The following SMYD3 variants were observed in gnomAD, a reference collection of about 807,000 sequenced individuals.
SMYD3 encodes the protein SET and MYND domain containing 3.
Under a neutral mutation model 57.7 loss-of-function variants are expected in SMYD3, and 36 were observed. That is an observed-to-expected ratio of 0.62 (90% CI 0.48 to 0.82). SMYD3 has a LOEUF of 0.82. SMYD3 is among the 40% of genes least tolerant of loss of function. The pLI is 0.00. For missense variants in SMYD3, 515 were observed against 538.8 expected, an observed-to-expected ratio of 0.96 and a Z score of 0.44; for synonymous variants, 211 against 195.0, an observed-to-expected ratio of 1.08 and a Z score of -0.68.
At chr1:246,083,354 T>A (rs1396339075) in intron 5 of SMYD3, among the ~76,000 whole-genome samples, 2 of 152,126 alleles carry the variant, frequency 1.3e-5, no homozygotes, top group Non-Finnish European at 2.9e-5. Flanking sequence ...GCACAGCACT[T>A]TTTTCTCTAA....
chr1:246,060,006 G>A (rs2060222904), intron 5 of SMYD3, among the ~76,000 whole-genome samples: 1 of 152,136 alleles, frequency 6.6e-6, no homozygotes, highest in African/African-American at 2.4e-5. Context: ...AAGTTGGCGG[G>A]GCATAATGGC....
intron 5 of SMYD3, among the ~76,000 whole-genome samples, chr1:246,244,931 G>T (rs1275981151): frequency 6.6e-6 from 1 of 152,090 alleles, no homozygotes; most frequent in Non-Finnish European, 1.5e-5. Context: ...ATACCCCAGT[G>T]ATCTTCAAAA....
intron 5 of SMYD3, among the ~76,000 whole-genome samples, chr1:246,307,388 C>A (rs989939467): frequency 2.1e-4 from 32 of 151,182 alleles, no homozygotes; most frequent in Non-Finnish European, 4.3e-4. Flanking sequence ...ATTTGAAGAA[C>A]CCTGCTCTCA....
At chr1:246,296,684 A>T (rs2064801612) in intron 5 of SMYD3, among the ~76,000 whole-genome samples, 1 of 152,140 alleles carries the variant, frequency 6.6e-6, no homozygotes, top group Non-Finnish European at 1.5e-5. Context: ...TACCCCTCCG[A>T]AAAGACATTT....
intron 1 of SMYD3, among the ~76,000 whole-genome samples, chr1:246,500,849 G>A (rs1231070306): frequency 3.3e-5 from 5 of 152,190 alleles, no homozygotes; most frequent in Non-Finnish European, 7.3e-5. Flanking sequence ...GTTTTCACCA[G>A]GGCTCAGCCA....
intron 1 of SMYD3, among the ~76,000 whole-genome samples, chr1:246,436,924 A>T (rs1572500394): frequency 7.3e-6 from 1 of 137,650 alleles, no homozygotes. Flanking sequence ...TTTTTGAGAC[A>T]GAGTTTTCAC....
At chr1:245,943,042 C>CA (rs1306495729) in intron 5 of SMYD3, among the ~76,000 whole-genome samples, 2 of 151,830 alleles carry the variant, frequency 1.3e-5, no homozygotes. Context: ...AGAAAGACCT[C>CA]AAATCGACAT....
chr1:246,111,121 T>C (rs1040373529), intron 5 of SMYD3, among the ~76,000 whole-genome samples: 2 of 152,176 alleles, frequency 1.3e-5, no homozygotes, highest in African/African-American at 4.8e-5. Context: ...TAGTATATGA[T>C]AGAAACATGC....
intron 5 of SMYD3, among the ~76,000 whole-genome samples, chr1:246,015,779 G>A (rs931377352): frequency 6.6e-6 from 1 of 152,142 alleles, no homozygotes; most frequent in Non-Finnish European, 1.5e-5. Context: ...CCTTTCTAAG[G>A]CTGAATTCCA....
At chr1:245,993,341 T>C (rs184031389) in intron 5 of SMYD3, among the ~76,000 whole-genome samples, 100 of 152,286 alleles carry the variant, frequency 6.6e-4, no homozygotes, top group Non-Finnish European at 1.2e-3. Context: ...TAACCCACTG[T>C]ACTCTCTAAC....
intron 2 of SMYD3, among the ~76,000 whole-genome samples, chr1:246,350,664 T>TTA (rs2065807906): frequency 1.4e-3 from 1 of 740 alleles, no homozygotes; most frequent in East Asian, 0.12. Flanking sequence ...GTACTCAGAT[T>TTA]TACACGTTAC....
At chr1:246,293,607 C>A (rs545709496) in intron 5 of SMYD3, among the ~76,000 whole-genome samples, 46 of 152,252 alleles carry the variant, frequency 3.0e-4, no homozygotes, top group Admixed American at 2.1e-3. Context: ...GAAAAACCCA[C>A]GACAGTCTCA....
chr1:246,487,899 T>C (rs2068212049), intron 1 of SMYD3, among the ~76,000 whole-genome samples: 1 of 152,072 alleles, frequency 6.6e-6, no homozygotes, highest in East Asian at 1.9e-4. Flanking sequence ...CCTCCATGTT[T>C]GTCAGGCTGG....
At chr1:246,350,872 A>AAATCGTTTT (rs1270534930) in intron 2 of SMYD3, among the ~76,000 whole-genome samples, 7 of 152,238 alleles carry the variant, frequency 4.6e-5, no homozygotes, top group Non-Finnish European at 8.8e-5. Flanking sequence ...AAATACGACC[A>AAATCGTTTT]AATCGTTTTA....
At chr1:246,423,879 G>A (rs6694474) in intron 1 of SMYD3, among the ~76,000 whole-genome samples, 143,590 of 152,226 alleles carry the variant, frequency 0.94, 68,321 homozygotes, top group East Asian at 1. Context: ...CCCAGAAACA[G>A]TGCAAACCAG....
chr1:245,898,091 C>T (rs2053947616), intron 8 of SMYD3, among the ~76,000 whole-genome samples: 1 of 152,092 alleles, frequency 6.6e-6, no homozygotes, highest in Admixed American at 6.5e-5. Flanking sequence ...GGTTTGGCTG[C>T]TGATACATTA....
chr1:246,100,084 G>A (rs977400450), intron 5 of SMYD3, among the ~76,000 whole-genome samples: 2 of 152,186 alleles, frequency 1.3e-5, no homozygotes, highest in African/African-American at 4.8e-5. Flanking sequence ...GATGGCTCAT[G>A]CTGGTAGTCC....
intron 2 of SMYD3, among the ~76,000 whole-genome samples, chr1:246,342,170 T>C (rs1345568321): frequency 6.6e-6 from 1 of 152,106 alleles, no homozygotes. Context: ...GAAAAGAAAA[T>C]GAATTTTTTG....
At chr1:245,834,674 C>T (rs962015549) in intron 10 of SMYD3, among the ~76,000 whole-genome samples, 1 of 152,228 alleles carries the variant, frequency 6.6e-6, no homozygotes, top group Admixed American at 6.5e-5. Flanking sequence ...GTGGAGCAAT[C>T]TTCCTGTTCG....
Sources: gnomAD v4.1 joint callset for allele counts (sites outside exome capture counted in the v4.1 genomes callset) on GRCh38, gnomAD v4.1.1 for gene constraint, MANE v1.5 for transcripts, NCBI Gene and HGNC (gene_info 2026-07-23, HGNC 2026-07-21) for gene names.